The following ZSCAN25 variants were observed in gnomAD, a reference collection of about 807,000 sequenced individuals.
ZSCAN25 encodes zinc finger and SCAN domain-containing protein 25.
A neutral mutation model predicts 38.7 loss-of-function variants in ZSCAN25; 27 were observed. That is an observed-to-expected ratio of 0.70 (90% CI 0.51 to 0.96). The LOEUF is 0.96. ZSCAN25 is among the 40% of genes least tolerant of loss of function. ZSCAN25 has a pLI of 0.00. For synonymous variants in ZSCAN25, 273 were observed against 277.7 expected, an observed-to-expected ratio of 0.98 and a Z score of 0.17; for missense variants, 637 against 705.9, an observed-to-expected ratio of 0.90 and a Z score of 1.11.
At chr7:99,722,430 A>C in the ZSCAN25 span, 1 of 1,533,418 alleles carries the variant, frequency 6.5e-7, no homozygotes, top group Non-Finnish European at 8.9e-7. Context: ...AAAACAGTCA[A>C]ATCCAATGAA....
chr7:99,625,524 T>C (rs13362853), intron 7 of ZSCAN25, among the ~76,000 whole-genome samples: 36,287 of 152,042 alleles, frequency 0.24, 8,120 homozygotes, highest in African/African-American at 0.58. Flanking sequence ...GTTGACACAG[T>C]GTGGCAGTGA....
At chr7:99,677,349 G>GA in the ZSCAN25 span, 4 of 617,212 alleles carry the variant, frequency 6.5e-6, no homozygotes, top group Non-Finnish European at 6.1e-6. Context: ...AAATGTGGCT[G>GA]AAAAAGATGA....
the ZSCAN25 span, chr7:99,714,661 G>T: frequency 6.2e-7 from 1 of 1,612,478 alleles, no homozygotes; most frequent in Non-Finnish European, 8.5e-7. Context: ...TTCAAGAATT[G>T]GGGTAAGGAA....
At chr7:99,690,317 A>G in the ZSCAN25 span, among the ~76,000 whole-genome samples, 1 of 152,254 alleles carries the variant, frequency 6.6e-6, no homozygotes, top group Non-Finnish European at 1.5e-5. Flanking sequence ...AAAGACTTAC[A>G]TGTTAGACCT....
the ZSCAN25 span, among the ~76,000 whole-genome samples, chr7:99,686,661 A>G: frequency 1.3e-5 from 2 of 152,084 alleles, no homozygotes; most frequent in Admixed American, 6.5e-5. Context: ...GAGAGTAGTC[A>G]TTCTCCCAGC....
At chr7:99,647,585 A>T in the ZSCAN25 span, 1 of 985,208 alleles carries the variant, frequency 1.0e-6, no homozygotes, top group Non-Finnish European at 1.2e-6. Context: ...AATAAATCAT[A>T]ACTAATAATA....
chr7:99,621,896 TC>T (rs1200400903), intron 5 of ZSCAN25: 2 of 223,376 alleles, frequency 9.0e-6, no homozygotes, highest in African/African-American at 4.5e-5. Context: ...ATAAACCATA[TC>T]CCCCAAAGTA....
chr7:99,631,840 C>T lies in ZSCAN25; in HGVS notation c.*1820C>T. 1 of 985,464 alleles carries T rather than the reference C, an allele frequency of 1.0e-6. No individual in the cohort carries two copies. The highest frequency in any genetic ancestry group is 4.7e-5 in the South Asian group (1 of 21,288). 61.0% of individuals were successfully genotyped at this position (985,464 alleles called of 1,614,324 possible). On this transcript the variant is annotated 3_prime_UTR_variant, in exon 8 of 8. Coordinates refer to ENST00000394152, the MANE Select transcript of ZSCAN25 (RefSeq NM_145115.3). ...GTCGTAAATGTATCTGAGATGTCCA[C>T]ACGGGGCTGCTGCTGCTCCTCTGTA... is the stretch of plus-strand genomic sequence containing the variant.
chr7:99,700,103 T>C, the ZSCAN25 span: 1 of 1,133,342 alleles, frequency 8.8e-7, no homozygotes, highest in Non-Finnish European at 1.3e-6. Context: ...TTTGCTGGGC[T>C]GTCTGCCTGG....
the ZSCAN25 span, chr7:99,650,370 T>C: frequency 1.3e-6 from 1 of 753,540 alleles, no homozygotes; most frequent in Non-Finnish European, 2.2e-6. Flanking sequence ...GGCTGGTCAT[T>C]GAAATCCTGC....
chr7:99,703,474 T>C, the ZSCAN25 span, among the ~76,000 whole-genome samples: 1 of 152,216 alleles, frequency 6.6e-6, no homozygotes, highest in Admixed American at 6.5e-5. Context: ...ATGGTTTTTT[T>C]TGTACACACA....
At chr7:99,717,874 G>A in the ZSCAN25 span, among the ~76,000 whole-genome samples, 2 of 152,156 alleles carry the variant, frequency 1.3e-5, no homozygotes, top group Non-Finnish European at 2.9e-5. Context: ...CACATGGTAC[G>A]GAACCTGTTC....
At chr7:99,665,015 A>T in the ZSCAN25 span, 1 of 788,392 alleles carries the variant, frequency 1.3e-6, no homozygotes. Context: ...AAAACATTTT[A>T]GTTTACAATA....
chr7:99,638,786 CA>C, the ZSCAN25 span: 1 of 872,536 alleles, frequency 1.1e-6, no homozygotes, highest in Non-Finnish European at 1.9e-6. Context: ...AAGCTGGGGC[CA>C]GGGGCATTCA....
chr7:99,648,990 A>C, the ZSCAN25 span, among the ~76,000 whole-genome samples: 1 of 152,306 alleles, frequency 6.6e-6, no homozygotes, highest in East Asian at 1.9e-4. Context: ...CAAGTTGTAC[A>C]GTGTTTTGAC....
the ZSCAN25 span, among the ~76,000 whole-genome samples, chr7:99,733,012 A>T: frequency 6.6e-6 from 1 of 152,230 alleles, no homozygotes; most frequent in African/African-American, 2.4e-5. Context: ...GGTAAAATAC[A>T]ACTAAGAAAC....
At chr7:99,656,005 T>C in the ZSCAN25 span, among the ~76,000 whole-genome samples, 5 of 152,236 alleles carry the variant, frequency 3.3e-5, no homozygotes, top group Non-Finnish European at 5.9e-5. Flanking sequence ...TTTCTAGATA[T>C]ACAATCATGT....
In ZSCAN25 at chr7:99,619,750, C is replaced by G. The variant is rs759826229; in HGVS notation, c.144C>G (p.Phe48Leu). 1 of 1,614,244 alleles carries G rather than the reference C, an allele frequency of 6.2e-7. No individual in the cohort carries two copies. The highest frequency in any genetic ancestry group is 1.1e-5 in the South Asian group (1 of 91,092). Residue 48 changes from phenylalanine (F) to leucine (L), a missense_variant, in exon 4 of 8, where the codon TTC becomes TTG. Physicochemically the swap from Phe to Leu is conservative, Grantham distance 22. Transcript: ENST00000394152. Reference sequence around the variant, plus strand: ...CTTTTCGGCTGAGGTTTCGGCAGTTCCGCTACCAGGAGGCAGCTGGACCCC... The same window carrying G: ...CTTTTCGGCTGAGGTTTCGGCAGTTGCGCTACCAGGAGGCAGCTGGACCCC... ...PETFRLRFRQ[F>L]RYQEAAGPQE... is the part of the protein sequence containing the mutation.
At chr7:99,733,547 T>C in the ZSCAN25 span, among the ~76,000 whole-genome samples, 1 of 152,180 alleles carries the variant, frequency 6.6e-6, no homozygotes, top group Non-Finnish European at 1.5e-5. Flanking sequence ...AAGGCTAAGG[T>C]ATTGTCTGCC....
Sources: gnomAD v4.1 joint callset for allele counts (sites outside exome capture counted in the v4.1 genomes callset) on GRCh38, gnomAD v4.1.1 for gene constraint, MANE v1.5 for transcripts, NCBI Gene and HGNC (gene_info 2026-07-23, HGNC 2026-07-21) for gene names.